Variants in SRFBP1 observed in about 807,000 individuals in gnomAD.
SRFBP1 encodes the protein serum response factor binding protein 1, also known as serum response factor-binding protein 1.
In SRFBP1, 47 loss-of-function variants were observed where a neutral mutation model predicts 45.5. The ratio of observed to expected loss-of-function variants is 1.03; its 90% CI spans 0.82 to 1.32. The LOEUF (loss-of-function observed/expected upper bound fraction) is 1.32, where lower values mean the gene tolerates loss of function less well. SRFBP1 is among the 40% of genes most tolerant of loss of function. SRFBP1 has a pLI of 0.00. For synonymous variants in SRFBP1, 203 were observed against 166.3 expected (o/e 1.22, Z -1.70); for missense variants, 621 against 484.6 (o/e 1.28, Z -2.64).
At chr5:121,991,926 G>C (rs1009184694) in intron 3 of SRFBP1, among the ~76,000 whole-genome samples, 7 of 152,030 alleles carry the variant, frequency 4.6e-5, no homozygotes, top group African/African-American at 1.2e-4. Flanking sequence ...CCATCCAAAT[G>C]CATCTATATT....
intron 2 of SRFBP1, among the ~76,000 whole-genome samples, chr5:122,041,416 ATC>A (rs1753771275): frequency 6.6e-6 from 1 of 152,022 alleles, no homozygotes. Context: ...TTTTAACCAT[ATC>A]TATTTTGGGC....
At chr5:122,066,764 C>G (rs966311122) in intron 2 of SRFBP1, 6 of 1,528,790 alleles carry the variant, frequency 3.9e-6, no homozygotes, top group Non-Finnish European at 5.4e-6. Flanking sequence ...ATTAAGAAGA[C>G]AAAATAAGAC....
intron 2 of SRFBP1, among the ~76,000 whole-genome samples, chr5:122,051,464 G>A (rs1253732881): frequency 2.6e-5 from 4 of 151,364 alleles, no homozygotes; most frequent in Non-Finnish European, 5.9e-5. Context: ...ATTTAGGATA[G>A]TTAGGTCTTC....
intron 1 of SRFBP1, among the ~76,000 whole-genome samples, chr5:121,971,572 T>C (rs79228420): frequency 6.6e-4 from 100 of 152,100 alleles, no homozygotes; most frequent in African/African-American, 2.4e-3. Context: ...GGCTTGAAGC[T>C]AAAAGGAGTG....
chr5:122,023,792 T>A (rs999618821), intron 7 of SRFBP1, among the ~76,000 whole-genome samples: 1 of 152,192 alleles, frequency 6.6e-6, no homozygotes, highest in Non-Finnish European at 1.5e-5. Flanking sequence ...ACTATACACC[T>A]CCTCAAAAAC....
intron 7 of SRFBP1, among the ~76,000 whole-genome samples, chr5:122,023,311 A>G (rs564587035): frequency 1.3e-5 from 2 of 152,322 alleles, no homozygotes; most frequent in East Asian, 3.9e-4. Flanking sequence ...TTCCCAAGGC[A>G]GCCAACCCAA....
intron 4 of SRFBP1, among the ~76,000 whole-genome samples, chr5:121,997,431 A>C (rs1252977143): frequency 6.6e-6 from 1 of 151,852 alleles, no homozygotes; most frequent in Non-Finnish European, 1.5e-5. Flanking sequence ...TCCCTATTTA[A>C]TAAATGGTGC....
rs748071782 is a variant in SRFBP1 at position 122,026,973 on chromosome 5, T to G, written c.1137T>G (p.Asn379Lys). 6.2e-7 allele frequency: 1 copy of G among 1,612,344 alleles called. No individual in the cohort carries two copies. Among genetic ancestry groups the G allele is most frequent in the Non-Finnish European group, 8.5e-7 (1 of 1,179,500 alleles). ...CACAGAATGAGCCTCAGATCAAGAA[T>G]CAGTTTAATAAGAAGCTATCAGGAA... ...DFPQNEPQIKNQFNKKLSGRL... is the reference protein window; with the variant it reads ...DFPQNEPQIKKQFNKKLSGRL... Residue 379 changes from asparagine to lysine, a missense_variant, in exon 8 of 8, where the codon AAT becomes AAG. Physicochemically the swap from Asn to Lys is moderately conservative, Grantham distance 94. Coordinates refer to ENST00000339397, the MANE Select transcript of SRFBP1 (RefSeq NM_152546.3).
At chr5:122,034,149 T>A (rs545865841) in intron 2 of SRFBP1, among the ~76,000 whole-genome samples, 6 of 152,258 alleles carry the variant, frequency 3.9e-5, no homozygotes, top group Admixed American at 1.3e-4. Flanking sequence ...TAAATAATTG[T>A]TTTAGGTGTT....
chr5:121,967,580 C>A (rs1447351284), intron 1 of SRFBP1, among the ~76,000 whole-genome samples: 4 of 152,170 alleles, frequency 2.6e-5, no homozygotes, highest in Admixed American at 2.6e-4. Flanking sequence ...ACTCTATAAT[C>A]CCAGCACTTT....
chr5:122,000,380 G>A (rs1464217584), intron 4 of SRFBP1, among the ~76,000 whole-genome samples: 3 of 151,946 alleles, frequency 2.0e-5, no homozygotes, highest in Admixed American at 1.3e-4. Context: ...CACTTATTCA[G>A]TTTTGATTGC....
At chr5:121,997,510 C>T (rs1444366875) in intron 4 of SRFBP1, among the ~76,000 whole-genome samples, 1 of 151,662 alleles carries the variant, frequency 6.6e-6, no homozygotes, top group Non-Finnish European at 1.5e-5. Flanking sequence ...ATACAAAAAT[C>T]AATTCAAGAT....
chr5:122,070,643 TAAATAATATGCTATTATTTGC>T, intron 2 of SRFBP1: 1 of 888,068 alleles, frequency 1.1e-6, no homozygotes, highest in Admixed American at 2.1e-5. Context: ...CAGACTATGA[TAAATAATATGCTATTATTTGC>T]AAATTAAATT....
In SRFBP1 at chr5:121,972,088, A is replaced by G. The variant is rs530809420; in HGVS notation, c.37-2108A>G. On this transcript the variant is annotated intron_variant, in intron 1 of 7. Coordinates refer to ENST00000339397, the MANE Select transcript of SRFBP1 (RefSeq NM_152546.3). ...TTTAGTCTCTAATGAAAATGACTCA[A>G]TCATGTTTAAAAATCAGTGGGAAAC... 1.8e-4 allele frequency among the ~76,000 whole-genome samples: 27 copies of G among 152,102 alleles called. No homozygotes were observed. In the South Asian group the frequency reaches 3.7e-3, roughly 21 times the overall value.
At chr5:122,016,174 C>A (rs564881158) in intron 4 of SRFBP1, among the ~76,000 whole-genome samples, 1 of 152,318 alleles carries the variant, frequency 6.6e-6, no homozygotes, top group African/African-American at 2.4e-5. Context: ...ATTCAGCACA[C>A]CAAGTATCCC....
chr5:122,041,002 G>A (rs1381501697), intron 2 of SRFBP1, among the ~76,000 whole-genome samples: 2 of 152,058 alleles, frequency 1.3e-5, no homozygotes, highest in African/African-American at 4.8e-5. Flanking sequence ...ATAGATTTGT[G>A]GATTAGGGAC....
At chr5:122,078,107 A>G (rs1449710028), downstream of SRFBP1, 2 of 923,948 alleles carry the variant, frequency 2.2e-6, no homozygotes, top group Non-Finnish European at 3.0e-6. Flanking sequence ...GAGCACGGGT[A>G]TCTCAGTCTC....
In SRFBP1 at chr5:121,962,010, C is replaced by A. The variant is rs200212940; in HGVS notation, c.-23C>A. On this transcript the variant is annotated 5_prime_UTR_variant, in exon 1 of 8. Transcript: ENST00000339397. ...AGACCGGTTCACGTGCAGGCAGCGG[C>A]GGATCATATTCCTTCATCTACCATG... is the stretch of plus-strand genomic sequence containing the variant. 4 of 1,613,312 alleles carry A rather than the reference C, an allele frequency of 2.5e-6. No homozygotes were observed. The highest frequency in any genetic ancestry group is 1.1e-5 in the South Asian group (1 of 91,074).
At chr5:122,028,856 A>G (rs541604577), downstream of SRFBP1, among the ~76,000 whole-genome samples, 1 of 152,330 alleles carries the variant, frequency 6.6e-6, no homozygotes, top group Admixed American at 6.5e-5. Context: ...TTTTACCTCA[A>G]CTGGAAGGAG....
Sources: allele counts gnomAD v4.1 joint callset (sites outside exome capture counted in the v4.1 genomes callset), GRCh38; gene constraint gnomAD v4.1.1; transcripts MANE v1.5; gene names NCBI Gene and HGNC (gene_info 2026-07-23, HGNC 2026-07-21).